The following NELL1 variants were observed in gnomAD, a reference collection of about 807,000 sequenced individuals.
NELL1 encodes the protein neural EGFL like 1, also known as protein kinase C-binding protein NELL1.
A neutral mutation model predicts 107.4 loss-of-function variants in NELL1; 76 were observed. The observed-to-expected ratio is 0.71, with a 90% CI of 0.59 to 0.86. The LOEUF (loss-of-function observed/expected upper bound fraction) is 0.86. Ranked by LOEUF, NELL1 falls within the 40% of genes least tolerant of loss-of-function variation. The pLI is 0.00. For synonymous variants in NELL1, 353 were observed against 341.2 expected, an observed-to-expected ratio of 1.03 and a Z score of -0.38; for missense variants, 1,024 against 1,005.5, an observed-to-expected ratio of 1.02 and a Z score of -0.25.
chr11:21,134,015 G>C (rs1030520590), intron 13 of NELL1, among the ~76,000 whole-genome samples: 1 of 152,208 alleles, frequency 6.6e-6, no homozygotes, highest in Non-Finnish European at 1.5e-5. Flanking sequence ...CAGACAGGCC[G>C]CAGCTGCCAT....
intron 2 of NELL1, among the ~76,000 whole-genome samples, chr11:20,698,124 G>T (rs182901934): frequency 6.6e-6 from 1 of 152,230 alleles, no homozygotes; most frequent in Non-Finnish European, 1.5e-5. Context: ...TAATCAATTA[G>T]CCGAGTGATT....
At chr11:21,053,794 T>G (rs979481539) in intron 12 of NELL1, among the ~76,000 whole-genome samples, 3 of 152,292 alleles carry the variant, frequency 2.0e-5, no homozygotes, top group East Asian at 3.9e-4. Flanking sequence ...TGCTTTTCTT[T>G]GTATATGTGT....
intron 15 of NELL1, among the ~76,000 whole-genome samples, chr11:21,424,388 A>G (rs2133825894): frequency 6.6e-6 from 1 of 152,266 alleles, no homozygotes; most frequent in East Asian, 1.9e-4. Flanking sequence ...TGGGAGGCTG[A>G]GGCCGGCGGA....
At chr11:21,117,255 C>A (rs970187703) in intron 13 of NELL1, among the ~76,000 whole-genome samples, 4 of 151,970 alleles carry the variant, frequency 2.6e-5, no homozygotes, top group Non-Finnish European at 5.9e-5. Flanking sequence ...GATTTTAGTT[C>A]TCTGAGTAAT....
chr11:21,368,056 T>C (rs1421917574), intron 14 of NELL1, among the ~76,000 whole-genome samples: 1 of 152,172 alleles, frequency 6.6e-6, no homozygotes, highest in East Asian at 1.9e-4. Flanking sequence ...TCTGATATTT[T>C]ATTACATATT....
rs535797220 is a variant in NELL1, at chr11:21,038,587, A to G, written c.1301-75002A>G. The stretch of plus-strand genomic sequence containing the variant: ...GGCTAAGTTTTTCTTACCAACTCAA[A>G]CGCCACTGCCAATAGAAATCTTTCC... On this transcript the variant is annotated intron_variant, in intron 12 of 19. Transcript: ENST00000357134. Among the ~76,000 whole-genome samples the G allele has an allele frequency of 1.7e-3, 256 of 152,216 alleles. 1 individual carries two copies. Among genetic ancestry groups the G allele is most frequent in the African/African-American group, 5.9e-3 (245 of 41,540 alleles).
At chr11:21,210,878 GTTC>G (rs1857483723) in intron 13 of NELL1, among the ~76,000 whole-genome samples, 2 of 152,178 alleles carry the variant, frequency 1.3e-5, no homozygotes, top group Admixed American at 6.5e-5. Context: ...GGGGGTCTTA[GTTC>G]TTCTTGACCT....
chr11:21,331,104 C>T (rs1590843524), intron 14 of NELL1, among the ~76,000 whole-genome samples: 3 of 151,736 alleles, frequency 2.0e-5, no homozygotes, highest in Middle Eastern at 3.4e-3. Flanking sequence ...GAGATATTGC[C>T]CTCATATCTT....
chr11:21,297,616 A>G (rs974314678), intron 14 of NELL1, among the ~76,000 whole-genome samples: 9 of 151,890 alleles, frequency 5.9e-5, no homozygotes, highest in African/African-American at 1.2e-4. Context: ...TTGTCTCTCA[A>G]TGTTCTTTGT....
At chr11:21,528,836 ACT>A (rs1855924749) in intron 15 of NELL1, among the ~76,000 whole-genome samples, 1 of 151,724 alleles carries the variant, frequency 6.6e-6, no homozygotes, top group Non-Finnish European at 1.5e-5. Context: ...TGTTATCTTG[ACT>A]CTTGACTTTT....
intron 12 of NELL1, among the ~76,000 whole-genome samples, chr11:21,072,565 C>CT (rs1854040721): frequency 6.6e-6 from 1 of 152,104 alleles, no homozygotes; most frequent in Non-Finnish European, 1.5e-5. Context: ...AGTAACAATT[C>CT]TTTATAGGGA....
At chr11:21,013,550 C>A (rs546283940) in intron 12 of NELL1, among the ~76,000 whole-genome samples, 1 of 152,114 alleles carries the variant, frequency 6.6e-6, no homozygotes, top group Non-Finnish European at 1.5e-5. Flanking sequence ...ATGGGTCCTA[C>A]GTTATCTGCT....
At chr11:21,147,009 G>A (rs2123800) in intron 13 of NELL1, among the ~76,000 whole-genome samples, 21,874 of 152,062 alleles carry the variant, frequency 0.14, 1,638 homozygotes, top group Non-Finnish European at 0.17. Context: ...GCACCACTGC[G>A]CTCCAGCGTG....
At chr11:20,690,340 G>C (rs1426427289) in intron 2 of NELL1, among the ~76,000 whole-genome samples, 1 of 152,212 alleles carries the variant, frequency 6.6e-6, no homozygotes, top group East Asian at 1.9e-4. Flanking sequence ...TGGTGTTTTA[G>C]ACATGAAGTC....
At chr11:21,187,573 A>C (rs564436882) in intron 13 of NELL1, among the ~76,000 whole-genome samples, 1 of 151,928 alleles carries the variant, frequency 6.6e-6, no homozygotes, top group African/African-American at 2.4e-5. Flanking sequence ...TTTAAATTTC[A>C]TGCAGTGTCT....
chr11:20,702,850 G>A (rs1265974294), intron 2 of NELL1, among the ~76,000 whole-genome samples: 1 of 152,110 alleles, frequency 6.6e-6, no homozygotes, highest in African/African-American at 2.4e-5. Flanking sequence ...TGCATCCCAG[G>A]GATGAAGCCC....
chr11:20,931,197 CAGA>C lies in NELL1; in HGVS notation c.997+2723_997+2725del, dbSNP rs1378301524. Among the ~76,000 whole-genome samples the C allele has an allele frequency of 3.3e-5, 5 of 151,176 alleles. No homozygotes were observed. The East Asian group carries it at 9.7e-4, about 29-fold the overall frequency. ...CTAACATTAGGCATGTGTTGGAGTA[CAGA>C]AGAATGGCCTGGGAGGGAGGGGGAG... is the stretch of plus-strand genomic sequence containing the variant. On this transcript the variant is annotated intron_variant, in intron 9 of 19. Coordinates refer to ENST00000357134, the MANE Select transcript of NELL1 (RefSeq NM_006157.5).
intron 12 of NELL1, among the ~76,000 whole-genome samples, chr11:21,046,675 C>CAATT (rs772567015): frequency 8.0e-6 from 1 of 125,632 alleles, no homozygotes; most frequent in Non-Finnish European, 1.7e-5. Context: ...TTTATTTACT[C>CAATT]AATTATTTAT....
chr11:20,747,625 C>G (rs1856033720), intron 2 of NELL1, among the ~76,000 whole-genome samples: 1 of 152,174 alleles, frequency 6.6e-6, no homozygotes, highest in South Asian at 2.1e-4. Context: ...CTAGTCACTT[C>G]CTAAAGGCCC....
Sources: allele counts gnomAD v4.1 joint callset (sites outside exome capture counted in the v4.1 genomes callset), GRCh38; gene constraint gnomAD v4.1.1; transcripts MANE v1.5; gene names NCBI Gene and HGNC (gene_info 2026-07-23, HGNC 2026-07-21).